Variants in TNNI3K observed in about 807,000 individuals in gnomAD.
The protein encoded by TNNI3K is TNNI3 interacting kinase, also known as serine/threonine-protein kinase TNNI3K.
Under a neutral mutation model 114.5 loss-of-function variants are expected in TNNI3K, and 140 were observed. The ratio of observed to expected loss-of-function variants is 1.22; its 90% CI spans 1.07 to 1.41. The LOEUF (loss-of-function observed/expected upper bound fraction) is 1.41. Ranked by LOEUF, TNNI3K falls within the 40% of genes most tolerant of loss-of-function variation. The pLI is 0.00. For missense variants in TNNI3K, 1,125 were observed against 1,007.6 expected (o/e 1.12, Z -1.58); for synonymous variants, 347 against 347.5 (o/e 1.00, Z 0.02).
At chr1:74,468,781 A>T (rs1007119136) in intron 21 of TNNI3K, among the ~76,000 whole-genome samples, 3 of 152,092 alleles carry the variant, frequency 2.0e-5, no homozygotes, top group Non-Finnish European at 4.4e-5. Flanking sequence ...CCCTTTTAAC[A>T]TTTTTGTTCC....
chr1:74,323,236 A>G (rs938528617), intron 5 of TNNI3K, among the ~76,000 whole-genome samples: 1 of 152,182 alleles, frequency 6.6e-6, no homozygotes, highest in Non-Finnish European at 1.5e-5. Flanking sequence ...GCTGGCCCCA[A>G]ATAATGCCAC....
chr1:74,532,477 A>C (rs537631000), intron 23 of TNNI3K, among the ~76,000 whole-genome samples: 2 of 150,892 alleles, frequency 1.3e-5, no homozygotes, highest in Non-Finnish European at 3.0e-5. Flanking sequence ...TTTTCTTTTT[A>C]TTTTATTATT....
chr1:74,368,974 G>A, intron 13 of TNNI3K, 48 bp from the exon 14 acceptor site: 3 of 1,482,194 alleles, frequency 2.0e-6, no homozygotes, highest in Non-Finnish European at 2.8e-6. Flanking sequence ...ACACATCCAT[G>A]TGTGTGGTTT....
intron 21 of TNNI3K, among the ~76,000 whole-genome samples, chr1:74,474,739 C>G (rs1668106236): frequency 6.6e-6 from 1 of 152,116 alleles, no homozygotes; most frequent in African/African-American, 2.4e-5. Context: ...ATTCACTTGG[C>G]TCCCAGTGTG....
intron 20 of TNNI3K, among the ~76,000 whole-genome samples, chr1:74,456,523 A>G (rs1402728215): frequency 1.3e-5 from 2 of 152,222 alleles, no homozygotes; most frequent in Non-Finnish European, 2.9e-5. Flanking sequence ...ATCATGATCA[A>G]CTAAAGAAGA....
intron 20 of TNNI3K, among the ~76,000 whole-genome samples, chr1:74,461,274 A>G (rs1667443137): frequency 6.6e-6 from 1 of 152,130 alleles, no homozygotes; most frequent in African/African-American, 2.4e-5. Flanking sequence ...AGGTCAGGAG[A>G]TCGAGACCAT....
intron 20 of TNNI3K, among the ~76,000 whole-genome samples, chr1:74,446,161 G>A (rs564462802): frequency 3.1e-4 from 47 of 152,220 alleles, no homozygotes; most frequent in South Asian, 1.0e-3. Flanking sequence ...CACCAACAGT[G>A]TAAAAGTGTT....
chr1:74,235,630 A>G (rs757054614), intron 1 of TNNI3K, 139 bp downstream of exon 1: 2 of 480,660 alleles, frequency 4.2e-6, no homozygotes, highest in Admixed American at 7.7e-5. Context: ...TCTTTGAAAA[A>G]CTATCTGAAC....
chr1:74,491,618 T>C (rs956922840), intron 22 of TNNI3K, among the ~76,000 whole-genome samples: 5 of 152,194 alleles, frequency 3.3e-5, no homozygotes, highest in Non-Finnish European at 7.3e-5. Flanking sequence ...GGAAAAGACT[T>C]GCCACACATT....
chr1:74,510,523 G>C (rs1413635488), intron 23 of TNNI3K, among the ~76,000 whole-genome samples: 2 of 151,826 alleles, frequency 1.3e-5, no homozygotes, highest in African/African-American at 4.8e-5. Context: ...AGAATAAAAT[G>C]AGAAAAAAAT....
intron 21 of TNNI3K, chr1:74,480,999 G>T: frequency 1.5e-6 from 1 of 676,432 alleles, no homozygotes; most frequent in South Asian, 1.7e-5. Context: ...ACTAGATGCA[G>T]GGTACACATG....
At chr1:74,461,629 T>C (rs1310221740) in intron 20 of TNNI3K, among the ~76,000 whole-genome samples, 1 of 152,238 alleles carries the variant, frequency 6.6e-6, no homozygotes, top group African/African-American at 2.4e-5. Context: ...TATTTACCTC[T>C]GAAATTAGTA....
At chr1:74,489,870 A>G (rs1668966554) in intron 22 of TNNI3K, among the ~76,000 whole-genome samples, 1 of 152,106 alleles carries the variant, frequency 6.6e-6, no homozygotes, top group African/African-American at 2.4e-5. Context: ...TTGAAAAATA[A>G]TATATTCTCA....
intron 2 of TNNI3K, among the ~76,000 whole-genome samples, chr1:74,245,645 A>C (rs1268934947): frequency 6.6e-6 from 1 of 152,212 alleles, no homozygotes; most frequent in African/African-American, 2.4e-5. Context: ...TCATCAAGGC[A>C]TCCAGTTAAG....
intron 19 of TNNI3K, among the ~76,000 whole-genome samples, chr1:74,436,815 T>C (rs1666152488): frequency 6.6e-6 from 1 of 152,074 alleles, no homozygotes; most frequent in South Asian, 2.1e-4. Context: ...TTTTCATATT[T>C]AGATCACCTA....
chr1:74,451,535 C>A (rs1437395629), intron 20 of TNNI3K, among the ~76,000 whole-genome samples: 2 of 151,846 alleles, frequency 1.3e-5, no homozygotes, highest in African/African-American at 4.8e-5. Flanking sequence ...TTTATACCTT[C>A]TTTGGGATTT....
chr1:74,327,669 T>TATAATCATATATTTATA (rs1659985819), intron 5 of TNNI3K, among the ~76,000 whole-genome samples: 1 of 137,010 alleles, frequency 7.3e-6, no homozygotes, highest in East Asian at 2.2e-4. Flanking sequence ...ACTATTATTA[T>TATAATCATATATTTATA]TAAATATAAT....
chr1:74,441,698 G>A (rs1188546919), intron 20 of TNNI3K, among the ~76,000 whole-genome samples: 1 of 151,936 alleles, frequency 6.6e-6, no homozygotes, highest in Non-Finnish European at 1.5e-5. Flanking sequence ...TTTGAGTGGG[G>A]GTACATGGAA....
intron 4 of TNNI3K, among the ~76,000 whole-genome samples, chr1:74,258,959 T>C (rs1655500993): frequency 6.6e-6 from 1 of 152,238 alleles, no homozygotes; most frequent in South Asian, 2.1e-4. Flanking sequence ...GTCTACATAT[T>C]GTGGATTACT....
Sources: allele counts gnomAD v4.1 joint callset (sites outside exome capture counted in the v4.1 genomes callset), GRCh38; gene constraint gnomAD v4.1.1; transcripts MANE v1.5; gene names NCBI Gene and HGNC (gene_info 2026-07-23, HGNC 2026-07-21).